Variants in LGALS9C observed in about 807,000 individuals in gnomAD.
The protein encoded by LGALS9C is galectin 9C, also known as galectin-9C.
Under a neutral mutation model 41.3 loss-of-function variants are expected in LGALS9C, and 7 were observed. The ratio of observed to expected loss-of-function variants is 0.17; its 90% CI spans 0.10 to 0.32. The LOEUF (loss-of-function observed/expected upper bound fraction) is 0.32. Among genes scored for constraint, LGALS9C ranks in the 10% least tolerant of loss-of-function variants. The pLI, the probability that LGALS9C is intolerant of heterozygous loss-of-function variation, is 1.00. For synonymous variants in LGALS9C, 44 were observed against 171.0 expected, an observed-to-expected ratio of 0.26 and a Z score of 5.80; for missense variants, 102 against 455.2, an observed-to-expected ratio of 0.22 and a Z score of 7.06.
chr17:18,483,320 TATATG>T (rs1217468998), intron 1 of LGALS9C, among the ~76,000 whole-genome samples: 1 of 137,708 alleles, frequency 7.3e-6, no homozygotes, highest in Non-Finnish European at 1.7e-5. Context: ...TGGCCATTGT[TATATG>T]GTGGTGGTGG....
At chr17:18,478,507 A>G (rs1197778328) in intron 1 of LGALS9C, among the ~76,000 whole-genome samples, 2 of 125,776 alleles carry the variant, frequency 1.6e-5, no homozygotes, top group African/African-American at 5.2e-5. Context: ...CTTTCTCCAC[A>G]TGCCGACAGT....
chr17:18,491,334 A>C lies in LGALS9C; in HGVS notation c.627+11A>C. 1 of 1,487,038 alleles carries C rather than the reference A, an allele frequency of 6.7e-7. No homozygotes were observed. The highest frequency in any genetic ancestry group is 1.2e-5 in the South Asian group (1 of 83,574). 92.1% of individuals were successfully genotyped at this position (1,487,038 alleles called of 1,614,324 possible). On this transcript the variant is annotated intron_variant, in intron 7 of 10. Coordinates refer to ENST00000328114, the MANE Select transcript of LGALS9C (RefSeq NM_001040078.3). ...GGACAGATGTTCTCTGTAAGTCTTC[A>C]AGTTCTGATCAGTTCACAGCTGCAC...
intron 5 of LGALS9C, chr17:18,490,516 G>A: frequency 2.8e-6 from 2 of 714,632 alleles, no homozygotes; most frequent in Admixed American, 2.1e-5. Flanking sequence ...AGGAACCAGT[G>A]GGGATACCCT....
Position 18,492,839 on chromosome 17 carries a change from G to A in LGALS9C, c.904G>A (p.Val302Ile), listed in dbSNP as rs759117057. The A allele has an allele frequency of 4.7e-5, 70 of 1,501,176 alleles. 6 individuals are homozygous for A. The highest frequency in any genetic ancestry group is 4.6e-4 in the South Asian group (40 of 86,116). The allele number at this position is 1,501,176 out of a possible 1,614,324, so 93.0% of individuals were successfully genotyped here. ...ERSLPRKMPF[V>I]RGQSFSVWIL... is the part of the protein sequence containing the mutation. Reference sequence around the variant, plus strand: ...AAGTCTGCCCCGAAAAATGCCCTTCGTCCGAGGCCAGAGCTTCTCGGTAAG... The same window carrying A: ...AAGTCTGCCCCGAAAAATGCCCTTCATCCGAGGCCAGAGCTTCTCGGTAAG... The change falls in exon 10 of 11, where the codon GTC (valine) becomes ATC (isoleucine). Residue 302 changes from valine (V) to isoleucine (I), a missense_variant. Val to Ile is a conservative substitution (Grantham distance 29, BLOSUM62 3). Transcript: ENST00000328114.
At position 18,491,973 on chromosome 17, in the gene LGALS9C, A is replaced by AC. The variant is rs1331983800; in HGVS notation, c.661dup (p.His221ProfsTer54). The AC allele has an allele frequency of 2.5e-6, 1 of 398,084 alleles. No individual in the cohort carries two copies. The highest frequency in any genetic ancestry group is 3.5e-5 in the African/African-American group (1 of 28,858). The allele number at this position is 398,084 out of a possible 1,614,324, so 24.7% of individuals were successfully genotyped here. On this transcript the variant is annotated frameshift_variant, in exon 8 of 11. Transcript: ENST00000328114. LOFTEE classifies it high-confidence loss of function. ...ACTCCCGCCATCCCACCTATGATGT[A>AC]CCCCCACCCTGCCTATGTAAGTGGT...
intron 1 of LGALS9C, among the ~76,000 whole-genome samples, chr17:18,483,374 C>T (rs1295994155): frequency 3.2e-5 from 4 of 125,708 alleles, no homozygotes; most frequent in Non-Finnish European, 7.7e-5. Context: ...TCTCTGGTGA[C>T]CCTCTCGGTG....
At chr17:18,477,889 G>C (rs1474995923) in intron 1 of LGALS9C, among the ~76,000 whole-genome samples, 1 of 129,664 alleles carries the variant, frequency 7.7e-6, no homozygotes, top group African/African-American at 2.5e-5. Context: ...GCAGAGGCAG[G>C]GTGCTGAGGG....
chr17:18,484,798 TC>T (rs2151666198), intron 2 of LGALS9C, among the ~76,000 whole-genome samples: 1 of 150,926 alleles, frequency 6.6e-6, no homozygotes, highest in Non-Finnish European at 1.5e-5. Context: ...CTTGATGACC[TC>T]CTCCGCCATT....
rs9709036 is a variant in LGALS9C at position 18,492,382 on chromosome 17, C to T, written c.673-75C>T. ...AGCTGACAGCCTAAATTCATGGGAA[C>T]TGGTACAATCTTCCCCTTCCATGTG... is the stretch of plus-strand genomic sequence containing the variant. On this transcript the variant is annotated intron_variant, in intron 8 of 10. Coordinates refer to ENST00000328114, the MANE Select transcript of LGALS9C (RefSeq NM_001040078.3). 1.6e-5 allele frequency: 24 copies of T among 1,500,136 alleles called. 2 individuals carry two copies. In the East Asian group the frequency reaches 5.1e-4, roughly 32 times the overall value. 92.9% of individuals were successfully genotyped at this position (1,500,136 alleles called of 1,614,324 possible).
At chr17:18,484,864 A>C (rs1989535720) in intron 2 of LGALS9C, among the ~76,000 whole-genome samples, 1 of 149,080 alleles carries the variant, frequency 6.7e-6, no homozygotes, top group South Asian at 2.2e-4. Flanking sequence ...GGAGATGCCA[A>C]GGGCAGGGAG....
intron 3 of LGALS9C, among the ~76,000 whole-genome samples, 177 bp from the exon 4 acceptor site, chr17:18,487,470 A>C (rs1286823001): frequency 3.5e-5 from 2 of 57,270 alleles, no homozygotes; most frequent in Non-Finnish European, 9.1e-5. Context: ...GCCCGACTGG[A>C]GCCCAGTAGA....
rs1405737302 is a variant in LGALS9C at position 18,489,031 on chromosome 17, CA to C, written c.540del (p.Lys180AsnfsTer38). 1.3e-6 allele frequency: 2 copies of C among 1,486,514 alleles called. No individual in the cohort carries two copies. Among genetic ancestry groups the C allele is most frequent in the East Asian group, 2.2e-5 (1 of 44,574 alleles). The allele number at this position is 1,486,514 out of a possible 1,614,324, so 92.1% of individuals were successfully genotyped here. Reference protein sequence around the residue: ...CFPPRPRGRRQKPPSVRPANP... With the variant: ...CFPPRPRGRRXKPPSVRPANP... ...CCCACCCAGGCCCAGGGGGCGCAGA[CA>C]AAAAGTGAGTTCAACACAGAGGCCC... On this transcript the variant is annotated frameshift_variant, in exon 5 of 11. Coordinates refer to ENST00000328114, the MANE Select transcript of LGALS9C (RefSeq NM_001040078.3). LOFTEE classifies it high-confidence loss of function.
At chr17:18,487,831 TG>T (rs1273310843) in intron 4 of LGALS9C, 74 bp downstream of exon 4, 8 of 1,572,146 alleles carry the variant, frequency 5.1e-6, no homozygotes, top group Non-Finnish European at 7.0e-6. Flanking sequence ...TAGGCCCAGC[TG>T]GGGGGACCCA....
rs2151671703 is a variant in LGALS9C at position 18,490,769 on chromosome 17, G to GT, written c.576+2dup. On this transcript the variant is annotated splice_donor_variant, in intron 6 of 10. Transcript: ENST00000328114. LOFTEE classifies it high-confidence loss of function. ...GCGGCCTGCCAACCCAGCTCCCATT[G>GT]TAAGTCTCTTGCTTTCTTTTTGGAT... 1 of 577,930 alleles carries GT rather than the reference G, an allele frequency of 1.7e-6. No homozygotes were observed. The highest frequency in any genetic ancestry group is 2.7e-5 in the East Asian group (1 of 36,500). 35.8% of individuals were successfully genotyped at this position (577,930 alleles called of 1,614,324 possible).
chr17:18,480,158 G>C (rs1989338573), intron 1 of LGALS9C, among the ~76,000 whole-genome samples: 1 of 122,404 alleles, frequency 8.2e-6, no homozygotes. Context: ...GCAGTGAGTT[G>C]AGATCATGCC....
chr17:18,482,487 C>G (rs1598142410), intron 1 of LGALS9C, among the ~76,000 whole-genome samples: 1 of 109,506 alleles, frequency 9.1e-6, no homozygotes, highest in Non-Finnish European at 2.1e-5. Flanking sequence ...AGATTTCCCC[C>G]AAGAAATTAG....
Position 18,492,691 on chromosome 17 carries a change from C to T in LGALS9C, c.762-6C>T, listed in dbSNP as rs1989859227. Reference sequence around the variant, plus strand: ...GACAAAGGTCCAGGTAGGCTGCCCACCCCAGGTTCCACATCAACCTGTGCT... The same window carrying T: ...GACAAAGGTCCAGGTAGGCTGCCCATCCCAGGTTCCACATCAACCTGTGCT... On this transcript the variant is annotated splice_polypyrimidine_tract_variant and splice_region_variant and intron_variant, in intron 9 of 10. Coordinates refer to ENST00000328114, the MANE Select transcript of LGALS9C (RefSeq NM_001040078.3). 2 of 1,421,326 alleles carry T rather than the reference C, an allele frequency of 1.4e-6. No homozygotes were observed. The highest frequency in any genetic ancestry group is 2.7e-5 in the African/African-American group (2 of 73,326). 88.0% of individuals were successfully genotyped at this position (1,421,326 alleles called of 1,614,324 possible). A position where few individuals can be genotyped will look rare whatever the true frequency, so the allele number is the denominator to read the frequency against.
At chr17:18,487,796 A>T in intron 4 of LGALS9C, 39 bp downstream of exon 4, 2 of 1,581,282 alleles carry the variant, frequency 1.3e-6, no homozygotes, top group Middle Eastern at 2.2e-4. Flanking sequence ...AGGGGCTGGG[A>T]TGCAGGGCCC....
At position 18,478,458 on chromosome 17, in the gene LGALS9C, G is replaced by A. The variant is rs191031588; in HGVS notation, c.39+1565G>A. Among the ~76,000 whole-genome samples, 663 of 122,366 alleles carry A rather than the reference G, an allele frequency of 5.4e-3. 128 individuals are homozygous for A. Among genetic ancestry groups the A allele is most frequent in the Non-Finnish European group, 0.012 (585 of 50,414 alleles). The allele number at this position is 122,366 out of a possible 152,430, so 80.3% of individuals were successfully genotyped here. A position where few individuals can be genotyped will look rare whatever the true frequency, so the allele number is the denominator to read the frequency against. On this transcript the variant is annotated intron_variant, in intron 1 of 10. Coordinates refer to ENST00000328114, the MANE Select transcript of LGALS9C (RefSeq NM_001040078.3). ...GGGGCTCCCCTGGGTTGGGACACTT[G>A]AGCCTCACTCGGTGACCCATCTGGC...
Sources: allele counts gnomAD v4.1 joint callset (sites outside exome capture counted in the v4.1 genomes callset), GRCh38; gene constraint gnomAD v4.1.1; transcripts MANE v1.5; gene names NCBI Gene and HGNC (gene_info 2026-07-23, HGNC 2026-07-21).